The following TAB2 variants were observed in gnomAD, a reference collection of about 807,000 sequenced individuals.
TAB2 encodes the protein TGF-beta-activated kinase 1 and MAP3K7-binding protein 2.
In TAB2, 3 loss-of-function variants were observed where a neutral mutation model predicts 65.0. The observed-to-expected ratio is 0.05, with a 90% CI of 0.02 to 0.12. The LOEUF (loss-of-function observed/expected upper bound fraction) is 0.12. Among genes scored for constraint, TAB2 ranks in the 10% least tolerant of loss-of-function variants. The probability of loss-of-function intolerance (pLI) is 1.00; values close to 1 mark genes in which losing one functional copy is unlikely to be tolerated. For missense variants in TAB2, 623 were observed against 840.3 expected, an observed-to-expected ratio of 0.74 and a Z score of 3.20; for synonymous variants, 298 against 285.1, an observed-to-expected ratio of 1.05 and a Z score of -0.46.
In TAB2 at chr6:149,329,024, A is replaced by G. The variant is rs115349221; in HGVS notation, c.-90+11009A>G. Among the ~76,000 whole-genome samples the G allele has an allele frequency of 6.8e-3, 1,034 of 152,310 alleles. 9 individuals carry two copies. Among genetic ancestry groups the G allele is most frequent in the African/African-American group, 0.024 (979 of 41,562 alleles). ...CCACATGTACACAGTAACTGTGTGT[A>G]GTTCTACAGTGCATTAGGTACCAGT... is the stretch of plus-strand genomic sequence containing the variant. On this transcript the variant is annotated intron_variant, in intron 1 of 6. Coordinates refer to ENST00000637181, the MANE Select transcript of TAB2 (RefSeq NM_001292034.3).
At chr6:149,261,904 T>A (rs1295335465) in intron 1 of TAB2, among the ~76,000 whole-genome samples, 1 of 152,248 alleles carries the variant, frequency 6.6e-6, no homozygotes, top group African/African-American at 2.4e-5. Context: ...GCAGTAGCTC[T>A]GAATCCAAAT....
intron 1 of TAB2, among the ~76,000 whole-genome samples, chr6:149,300,788 G>A (rs754506389): frequency 5.9e-5 from 9 of 152,244 alleles, no homozygotes; most frequent in East Asian, 1.9e-4. Flanking sequence ...GAGAGCACTG[G>A]GGGGGTGAAA....
chr6:149,324,081 T>C (rs1429206208), intron 1 of TAB2, among the ~76,000 whole-genome samples: 1 of 152,126 alleles, frequency 6.6e-6, no homozygotes, highest in Non-Finnish European at 1.5e-5. Context: ...TTAATTGCCT[T>C]GTTAAAAGAA....
intron 5 of TAB2, 101 bp downstream of exon 5, chr6:149,398,163 C>T: frequency 9.9e-7 from 1 of 1,013,090 alleles, no homozygotes; most frequent in Non-Finnish European, 1.5e-6. Context: ...CTTACTGTCT[C>T]AGAACATGTG....
At chr6:149,267,910 C>T (rs898549645) in intron 1 of TAB2, among the ~76,000 whole-genome samples, 9 of 152,142 alleles carry the variant, frequency 5.9e-5, no homozygotes, top group African/African-American at 1.4e-4. Context: ...CTGTCGTATA[C>T]GCAGTCTATT....
In TAB2 at chr6:149,411,274, G is replaced by A. The variant is rs1370010229; in HGVS notation, c.*1555G>A. On this transcript the variant is annotated 3_prime_UTR_variant, in exon 7 of 7. Transcript: ENST00000637181. ...CCACTGTAAATGTTTGCAAGTGGCT[G>A]TGTTTTAAATGGGATTATTACAGTT... 6.6e-6 allele frequency: 1 copy of A among 152,434 alleles called. No homozygotes were observed. Among genetic ancestry groups the A allele is most frequent in the Non-Finnish European group, 1.5e-5 (1 of 68,028 alleles). The allele number at this position is 152,434 out of a possible 1,614,324, so 9.4% of individuals were successfully genotyped here.
intron 1 of TAB2, among the ~76,000 whole-genome samples, chr6:149,366,633 C>T (rs1292734738): frequency 6.6e-6 from 1 of 152,102 alleles, no homozygotes; most frequent in East Asian, 1.9e-4. Context: ...TTCTTCCCTC[C>T]ACCAATTTGT....
In TAB2 at chr6:149,223,064, CT is replaced by C. The variant is rs1025860277; in HGVS notation, c.-121+4294del. ...TAAGATCAAGTCTAATAAAAAAATTCTTTTTTGTTAAGTAGCAACAAGCATG... is the reference window on the plus strand; with the variant it reads ...TAAGATCAAGTCTAATAAAAAAATTCTTTTTGTTAAGTAGCAACAAGCATG... On this transcript the variant is annotated intron_variant, in intron 1 of 1. Coordinates refer to the TAB2 transcript ENST00000606202. Among the ~76,000 whole-genome samples, 174 of 152,224 alleles carry C rather than the reference CT, an allele frequency of 1.1e-3. 2 individuals are homozygous for C. Among genetic ancestry groups the C allele is most frequent in the African/African-American group, 3.9e-3 (162 of 41,548 alleles).
At chr6:149,283,697 A>T (rs9485369) in intron 1 of TAB2, among the ~76,000 whole-genome samples, 30,393 of 152,038 alleles carry the variant, frequency 0.2, 3,247 homozygotes, top group East Asian at 0.43. Context: ...GCGACAAGAG[A>T]GAAATTCTGT....
intron 3 of TAB2, among the ~76,000 whole-genome samples, chr6:149,393,399 A>G (rs1178867011): frequency 6.6e-6 from 1 of 152,194 alleles, no homozygotes; most frequent in Non-Finnish European, 1.5e-5. Context: ...AGCCATTGCA[A>G]AACCCCTTTG....
chr6:149,308,123 T>A (rs1283409296), intron 1 of TAB2, among the ~76,000 whole-genome samples: 2 of 152,252 alleles, frequency 1.3e-5, no homozygotes, highest in Non-Finnish European at 2.9e-5. Flanking sequence ...CTTAGTAAGA[T>A]GTATTACGGT....
chr6:149,292,086 A>G (rs547488813), intron 1 of TAB2, among the ~76,000 whole-genome samples: 1 of 152,340 alleles, frequency 6.6e-6, no homozygotes, highest in Non-Finnish European at 1.5e-5. Flanking sequence ...TTTGCAAATT[A>G]AGACCTAAAT....
chr6:149,253,597 G>A (rs1262880487), intron 1 of TAB2, among the ~76,000 whole-genome samples: 1 of 132,622 alleles, frequency 7.5e-6, no homozygotes, highest in African/African-American at 2.9e-5. Context: ...TCCAGCCTGG[G>A]TGACAGAGCA....
In TAB2 at chr6:149,233,987, T is replaced by C. The variant is rs1204014463; in HGVS notation, c.-121+15211T>C. 3.2e-4 allele frequency among the ~76,000 whole-genome samples: 48 copies of C among 152,244 alleles called. 1 individual carries two copies. Among genetic ancestry groups the C allele is most frequent in the Admixed American group, 3.1e-3 (48 of 15,288 alleles). ...AATGTAAATGTGGCATTTTTACATT[T>C]ATTCCTATGAAGTTCCAACAGTACT... is the stretch of plus-strand genomic sequence containing the variant. On this transcript the variant is annotated intron_variant, in intron 1 of 1. Transcript: ENST00000606202.
At chr6:149,373,426 G>A (rs1224643906) in intron 2 of TAB2, among the ~76,000 whole-genome samples, 17 of 152,102 alleles carry the variant, frequency 1.1e-4, no homozygotes, top group Non-Finnish European at 2.5e-4. Flanking sequence ...TTCACCCATT[G>A]TCCTTATCCA....
intron 1 of TAB2, among the ~76,000 whole-genome samples, chr6:149,270,190 A>C (rs1778333393): frequency 6.6e-6 from 1 of 152,240 alleles, no homozygotes; most frequent in Non-Finnish European, 1.5e-5. Context: ...CCTAATTATT[A>C]GCGATGTAAA....
chr6:149,318,409 G>A (rs1455755793), intron 1 of TAB2, among the ~76,000 whole-genome samples: 1 of 151,926 alleles, frequency 6.6e-6, no homozygotes, highest in African/African-American at 2.4e-5. Context: ...AGGTGGGGGC[G>A]GGGGAGGAAA....
At position 149,369,979 on chromosome 6, in the gene TAB2, C is replaced by G. The variant is rs759395918; in HGVS notation, c.-19C>G. 1 of 1,599,414 alleles carries G rather than the reference C, an allele frequency of 6.3e-7. No homozygotes were observed. The highest frequency in any genetic ancestry group is 1.1e-5 in the South Asian group (1 of 90,786). On this transcript the variant is annotated 5_prime_UTR_variant, in exon 2 of 7. Transcript: ENST00000637181. Reference sequence around the variant, plus strand: ...AGAATTGCCTACTGTACAAATAGTCCTGATCAGGCAATATACGAATGGCCC... The same window carrying G: ...AGAATTGCCTACTGTACAAATAGTCGTGATCAGGCAATATACGAATGGCCC...
intron 1 of TAB2, among the ~76,000 whole-genome samples, chr6:149,338,766 G>A (rs1780009917): frequency 6.6e-6 from 1 of 152,202 alleles, no homozygotes; most frequent in South Asian, 2.1e-4. Flanking sequence ...GGAAAGGTGT[G>A]CCTAAATAAG....
Sources: allele counts gnomAD v4.1 joint callset (sites outside exome capture counted in the v4.1 genomes callset), GRCh38; gene constraint gnomAD v4.1.1; transcripts MANE v1.5; gene names NCBI Gene and HGNC (gene_info 2026-07-23, HGNC 2026-07-21).